Variants in ARL15 observed in about 807,000 individuals in gnomAD.
ARL15 encodes ADP-ribosylation factor-like protein 15.
In ARL15, 19 loss-of-function variants were observed where a neutral mutation model predicts 25.2. That is an observed-to-expected ratio of 0.75 (90% CI 0.53 to 1.10). The LOEUF (loss-of-function observed/expected upper bound fraction) is 1.10. ARL15 is among the 50% of genes least tolerant of loss of function. The pLI, the probability that ARL15 is intolerant of heterozygous loss-of-function variation, is 0.00. For synonymous variants in ARL15, 94 were observed against 86.8 expected, an observed-to-expected ratio of 1.08 and a Z score of -0.46; for missense variants, 220 against 246.0, an observed-to-expected ratio of 0.89 and a Z score of 0.71.
At chr5:54,112,886 G>A (rs577448826) in intron 4 of ARL15, among the ~76,000 whole-genome samples, 1 of 152,208 alleles carries the variant, frequency 6.6e-6, no homozygotes, top group South Asian at 2.1e-4. Flanking sequence ...AGAAGAGAAT[G>A]AACTAAGTCC....
At chr5:54,217,645 G>T (rs1756247595) in intron 1 of ARL15, among the ~76,000 whole-genome samples, 1 of 152,050 alleles carries the variant, frequency 6.6e-6, no homozygotes, top group Non-Finnish European at 1.5e-5. Context: ...ACCTGTAGGG[G>T]TAAAAAGAAA....
At chr5:54,043,035 T>C (rs1236865533) in intron 4 of ARL15, among the ~76,000 whole-genome samples, 1 of 152,184 alleles carries the variant, frequency 6.6e-6, no homozygotes, top group African/African-American at 2.4e-5. Context: ...TACAATTAAG[T>C]ACTAACTACA....
chr5:54,049,763 G>C (rs1242746056), intron 4 of ARL15, among the ~76,000 whole-genome samples: 1 of 151,830 alleles, frequency 6.6e-6, no homozygotes, highest in Non-Finnish European at 1.5e-5. Flanking sequence ...GTAGAGATGG[G>C]GTTTCGCCAT....
At chr5:54,200,005 G>A (rs935750731) in intron 1 of ARL15, among the ~76,000 whole-genome samples, 35 of 151,456 alleles carry the variant, frequency 2.3e-4, no homozygotes, top group African/African-American at 8.5e-4. Flanking sequence ...GAACGTGGAT[G>A]AAATTGGAAA....
chr5:53,914,697 CAG>C (rs1454285066), intron 4 of ARL15, among the ~76,000 whole-genome samples: 1 of 152,238 alleles, frequency 6.6e-6, no homozygotes, highest in Non-Finnish European at 1.5e-5. Context: ...GGCAGATGCT[CAG>C]AGTGTTCACT....
chr5:53,938,717 C>T (rs1319947754), intron 4 of ARL15, among the ~76,000 whole-genome samples: 1 of 152,170 alleles, frequency 6.6e-6, no homozygotes, highest in Non-Finnish European at 1.5e-5. Context: ...GCACATGTTA[C>T]TTGCAAGTTC....
At chr5:54,116,745 C>T (rs1016646089) in intron 3 of ARL15, among the ~76,000 whole-genome samples, 1 of 152,182 alleles carries the variant, frequency 6.6e-6, no homozygotes, top group Non-Finnish European at 1.5e-5. Context: ...GAGGTAAATA[C>T]TGTTATCAAT....
At chr5:53,920,646 A>C (rs901583925) in intron 4 of ARL15, among the ~76,000 whole-genome samples, 2 of 116,116 alleles carry the variant, frequency 1.7e-5, no homozygotes, top group African/African-American at 7.0e-5. Flanking sequence ...GTCTCTATTA[A>C]AAAATAATAA....
chr5:54,075,379 A>T (rs992952421), intron 4 of ARL15: 12 of 153,074 alleles, frequency 7.8e-5, no homozygotes, highest in Non-Finnish European at 1.3e-4. Context: ...ACTTTACATA[A>T]TTTTTCTATC....
In ARL15 at chr5:53,955,298, G is replaced by C. The variant is rs555470188; in HGVS notation, c.463-68585C>G. Among the ~76,000 whole-genome samples, 47 of 152,084 alleles carry C rather than the reference G, an allele frequency of 3.1e-4. No homozygotes were observed. The South Asian group carries it at 9.3e-3, about 30-fold the overall frequency. On this transcript the variant is annotated intron_variant, in intron 4 of 4. Coordinates refer to ENST00000504924, the MANE Select transcript of ARL15 (RefSeq NM_019087.3). Reference sequence around the variant, plus strand: ...ATCACTTTTCTGCCAAGCTAATACAGTCAGATTTACCATTTCTTCTTTACA... The same window carrying C: ...ATCACTTTTCTGCCAAGCTAATACACTCAGATTTACCATTTCTTCTTTACA...
At chr5:53,942,090 G>A (rs1216492528) in intron 4 of ARL15, among the ~76,000 whole-genome samples, 1 of 152,168 alleles carries the variant, frequency 6.6e-6, no homozygotes, top group Non-Finnish European at 1.5e-5. Context: ...GTTGCAGGTT[G>A]CTTGGACTAG....
At chr5:54,247,578 G>C (rs79519207) in intron 1 of ARL15, among the ~76,000 whole-genome samples, 1 of 113,466 alleles carries the variant, frequency 8.8e-6, no homozygotes, top group South Asian at 2.8e-4. Context: ...GAAAGGAAGA[G>C]AAAAAAAAAA....
At chr5:54,071,049 A>C (rs1751402789) in intron 4 of ARL15, among the ~76,000 whole-genome samples, 1 of 151,762 alleles carries the variant, frequency 6.6e-6, no homozygotes, top group Non-Finnish European at 1.5e-5. Context: ...ACATGCCTGC[A>C]GTCCCTGCTA....
chr5:53,895,319 C>A (rs1257895333), intron 4 of ARL15, among the ~76,000 whole-genome samples: 1 of 152,182 alleles, frequency 6.6e-6, no homozygotes, highest in East Asian at 1.9e-4. Flanking sequence ...ACTTCGGATG[C>A]TTTGAACTGT....
At chr5:54,260,967 G>T (rs896926339) in intron 1 of ARL15, among the ~76,000 whole-genome samples, 2 of 152,090 alleles carry the variant, frequency 1.3e-5, no homozygotes, top group Admixed American at 1.3e-4. Flanking sequence ...TCAACAGTAT[G>T]AGCCAAAGAA....
At chr5:53,899,069 G>A (rs569495919) in intron 4 of ARL15, among the ~76,000 whole-genome samples, 13 of 152,132 alleles carry the variant, frequency 8.5e-5, no homozygotes, top group Middle Eastern at 3.4e-3. Flanking sequence ...CAAACTGGCT[G>A]TGCGTCTTGG....
intron 3 of ARL15, among the ~76,000 whole-genome samples, chr5:54,113,929 C>G (rs1752816432): frequency 6.6e-6 from 1 of 152,096 alleles, no homozygotes; most frequent in South Asian, 2.1e-4. Context: ...AGCACAATAG[C>G]TTTATGTGTC....
intron 4 of ARL15, among the ~76,000 whole-genome samples, chr5:54,095,985 C>T (rs1342824770): frequency 6.6e-6 from 1 of 152,072 alleles, no homozygotes; most frequent in Non-Finnish European, 1.5e-5. Flanking sequence ...CACACAAAGT[C>T]CAAAGAGTCA....
chr5:54,215,966 G>A (rs1029572386), intron 1 of ARL15, among the ~76,000 whole-genome samples: 6 of 152,144 alleles, frequency 3.9e-5, no homozygotes, highest in East Asian at 1.9e-4. Context: ...AAGAATCAAG[G>A]GCCTCCTATT....
Sources: allele counts gnomAD v4.1 joint callset (sites outside exome capture counted in the v4.1 genomes callset), GRCh38; gene constraint gnomAD v4.1.1; transcripts MANE v1.5; gene names NCBI Gene and HGNC (gene_info 2026-07-23, HGNC 2026-07-21).